The following FAF1 variants were observed in gnomAD, a reference collection of about 807,000 sequenced individuals.
The protein encoded by FAF1 is FAS-associated factor 1.
In FAF1, 25 loss-of-function variants were observed where a neutral mutation model predicts 92.5. That is an observed-to-expected ratio of 0.27 (90% CI 0.20 to 0.38). The LOEUF is 0.38. Ranked by LOEUF, FAF1 falls within the 10% of genes least tolerant of loss-of-function variation. The probability of loss-of-function intolerance (pLI) is 1.00; values close to 1 mark genes in which losing one functional copy is unlikely to be tolerated. For missense variants in FAF1, 636 were observed against 793.3 expected (o/e 0.80, Z 2.38); for synonymous variants, 234 against 273.2 (o/e 0.86, Z 1.42).
chr1:50,759,423 T>C (rs1338169392), intron 4 of FAF1, among the ~76,000 whole-genome samples: 2 of 151,556 alleles, frequency 1.3e-5, no homozygotes, highest in Non-Finnish European at 2.9e-5. Flanking sequence ...GTTCTTGTGA[T>C]AGTTTACTGA....
intron 2 of FAF1, among the ~76,000 whole-genome samples, chr1:50,852,020 G>A (rs1002974056): frequency 6.6e-6 from 1 of 151,944 alleles, no homozygotes; most frequent in East Asian, 1.9e-4. Context: ...AATAGGTTAG[G>A]CTATATAATG....
intron 8 of FAF1, among the ~76,000 whole-genome samples, chr1:50,620,698 G>T (rs941182553): frequency 1.3e-5 from 2 of 152,244 alleles, no homozygotes; most frequent in African/African-American, 4.8e-5. Flanking sequence ...GGTTTCACAG[G>T]TGTATATATT....
At chr1:50,932,035 T>G (rs1434870075) in intron 1 of FAF1, among the ~76,000 whole-genome samples, 1 of 149,672 alleles carries the variant, frequency 6.7e-6, no homozygotes, top group Admixed American at 6.7e-5. Context: ...CATGAAAGAC[T>G]GACTCCCATG....
chr1:50,865,595 AC>A (rs1644473950), intron 1 of FAF1, among the ~76,000 whole-genome samples: 1 of 137,806 alleles, frequency 7.3e-6, no homozygotes, highest in South Asian at 2.6e-4. Flanking sequence ...AGAACAAAAA[AC>A]CAAACACTGC....
At chr1:50,686,578 A>G (rs1256042451) in intron 7 of FAF1, among the ~76,000 whole-genome samples, 1 of 79,824 alleles carries the variant, frequency 1.3e-5, no homozygotes, top group East Asian at 4.4e-4. Flanking sequence ...AGAGGAGGGA[A>G]GGGGAGAGGA....
chr1:50,746,901 C>T (rs1659654052), intron 4 of FAF1, among the ~76,000 whole-genome samples: 1 of 152,206 alleles, frequency 6.6e-6, no homozygotes, highest in Non-Finnish European at 1.5e-5. Flanking sequence ...TGCATCCTGG[C>T]TGCTCTGTAT....
chr1:50,781,183 A>C (rs1472682221), intron 4 of FAF1: 9 of 182,402 alleles, frequency 4.9e-5, no homozygotes, highest in Non-Finnish European at 9.2e-5. Flanking sequence ...TCTTTGGCCA[A>C]CTAGGCCAGA....
chr1:50,846,541 G>A (rs1335231843), intron 2 of FAF1: 18 of 509,040 alleles, frequency 3.5e-5, no homozygotes, highest in Non-Finnish European at 5.9e-5. Flanking sequence ...TGAAACATAC[G>A]ATAGAGGTTC....
chr1:50,708,851 T>C (rs571825368), intron 6 of FAF1, among the ~76,000 whole-genome samples: 80 of 152,100 alleles, frequency 5.3e-4, no homozygotes, highest in Non-Finnish European at 6.3e-4. Context: ...TTACGCCAAA[T>C]GCTACTGAGG....
chr1:50,596,334 A>G, intron 8 of FAF1, 118 bp from the exon 9 acceptor site: 2 of 702,146 alleles, frequency 2.8e-6, no homozygotes, highest in Admixed American at 2.7e-5. Flanking sequence ...TAACTCTAGT[A>G]TCCTGGGTAT....
chr1:50,458,482 T>G (rs1002341158), intron 18 of FAF1, among the ~76,000 whole-genome samples: 1 of 152,218 alleles, frequency 6.6e-6, no homozygotes, highest in Non-Finnish European at 1.5e-5. Flanking sequence ...ATATTCATTG[T>G]CATCGCTCCC....
chr1:50,768,617 T>C (rs1189619161), intron 4 of FAF1, among the ~76,000 whole-genome samples: 1 of 151,586 alleles, frequency 6.6e-6, no homozygotes, highest in African/African-American at 2.4e-5. Flanking sequence ...AAATAGAAAT[T>C]GATAGTAAGA....
intron 4 of FAF1, among the ~76,000 whole-genome samples, chr1:50,779,991 G>GACAGACAGACACACACACACACACAC (rs369288416): frequency 6.9e-6 from 1 of 145,440 alleles, no homozygotes; most frequent in South Asian, 2.2e-4. Flanking sequence ...CAGACAGACA[G>GACAGACAGACACACACACACACACAC]ACACACACAC....
At chr1:50,575,102 G>C (rs1650663188) in intron 12 of FAF1, among the ~76,000 whole-genome samples, 1 of 151,836 alleles carries the variant, frequency 6.6e-6, no homozygotes, top group South Asian at 2.1e-4. Flanking sequence ...TAGAGACGGG[G>C]TTTCACCGTG....
intron 2 of FAF1, among the ~76,000 whole-genome samples, chr1:50,846,200 A>G (rs898444893): frequency 6.6e-6 from 1 of 152,092 alleles, no homozygotes; most frequent in African/African-American, 2.4e-5. Context: ...TGTCTATACT[A>G]TGCTACATAC....
At chr1:50,759,565 G>C (rs1230657377) in intron 4 of FAF1, among the ~76,000 whole-genome samples, 2 of 151,528 alleles carry the variant, frequency 1.3e-5, no homozygotes, top group African/African-American at 4.9e-5. Flanking sequence ...TGGACATTTG[G>C]GTTGGTTCCA....
intron 7 of FAF1, among the ~76,000 whole-genome samples, chr1:50,688,304 A>G (rs1462365734): frequency 6.6e-6 from 1 of 152,158 alleles, no homozygotes; most frequent in East Asian, 1.9e-4. Context: ...ACTTAAACAC[A>G]GAATTACCAT....
At chr1:50,933,574 A>C (rs1408162348) in intron 1 of FAF1, among the ~76,000 whole-genome samples, 1 of 152,194 alleles carries the variant, frequency 6.6e-6, no homozygotes, top group Non-Finnish European at 1.5e-5. Context: ...AAACTTTCCC[A>C]TATTTTCCTG....
intron 8 of FAF1, among the ~76,000 whole-genome samples, chr1:50,624,031 AGAAGAAG>A: frequency 6.9e-6 from 1 of 145,560 alleles, no homozygotes; most frequent in East Asian, 2.0e-4. Context: ...GAAAGAAGAA[AGAAGAAG>A]AAGAACCACA....
Sources: gnomAD v4.1 joint callset for allele counts (sites outside exome capture counted in the v4.1 genomes callset) on GRCh38, gnomAD v4.1.1 for gene constraint, MANE v1.5 for transcripts, NCBI Gene and HGNC (gene_info 2026-07-23, HGNC 2026-07-21) for gene names.